The following ATP8A1 variants were observed in gnomAD, a reference collection of about 807,000 sequenced individuals.
ATP8A1 encodes the protein phospholipid-transporting ATPase IA.
A neutral mutation model predicts 177.7 loss-of-function variants in ATP8A1; 90 were observed. The observed-to-expected ratio is 0.51, with a 90% CI of 0.43 to 0.60. The LOEUF is 0.60. ATP8A1 is among the 20% of genes least tolerant of loss of function. The pLI is 0.00. For synonymous variants in ATP8A1, 493 were observed against 485.9 expected (o/e 1.01, Z -0.19); for missense variants, 1,072 against 1,392.8 (o/e 0.77, Z 3.67).
chr4:42,647,292 T>C (rs1020083948), intron 1 of ATP8A1, among the ~76,000 whole-genome samples: 1 of 152,210 alleles, frequency 6.6e-6, no homozygotes, highest in Non-Finnish European at 1.5e-5. Flanking sequence ...TGAAAAATTC[T>C]AGTAAATCCT....
At chr4:42,446,095 AAAAAGAG>A (rs1413828958) in intron 31 of ATP8A1, among the ~76,000 whole-genome samples, 3 of 148,220 alleles carry the variant, frequency 2.0e-5, no homozygotes, top group East Asian at 2.1e-4. Context: ...AAAAAAAAAA[AAAAAGAG>A]AAGAGATATA....
In ATP8A1 at chr4:42,524,307, C is replaced by T. The variant is rs574529272; in HGVS notation, c.1807+456G>A. Among the ~76,000 whole-genome samples, 11 of 152,192 alleles carry T rather than the reference C, an allele frequency of 7.2e-5. No individual in the cohort carries two copies. The East Asian group carries it at 2.1e-3, about 29-fold the overall frequency. ...TCTTGAGTTGTAATAAATTGAATAA[C>T]AATTTTAATAGTTACGTAAGTTTTT... is the stretch of plus-strand genomic sequence containing the variant. On this transcript the variant is annotated intron_variant, in intron 21 of 36. Transcript: ENST00000381668.
At chr4:42,480,274 G>C (rs1454944735) in intron 25 of ATP8A1, among the ~76,000 whole-genome samples, 1 of 152,090 alleles carries the variant, frequency 6.6e-6, no homozygotes, top group Non-Finnish European at 1.5e-5. Flanking sequence ...GAGATGGACA[G>C]GGCTGAGCAG....
At chr4:42,480,310 T>A (rs911877341) in intron 25 of ATP8A1, among the ~76,000 whole-genome samples, 1 of 152,176 alleles carries the variant, frequency 6.6e-6, no homozygotes, top group Non-Finnish European at 1.5e-5. Flanking sequence ...AAGCAAACTA[T>A]TGGCATTTTA....
At chr4:42,636,812 G>C (rs995959882) in intron 1 of ATP8A1, among the ~76,000 whole-genome samples, 1 of 152,138 alleles carries the variant, frequency 6.6e-6, no homozygotes, top group Non-Finnish European at 1.5e-5. Flanking sequence ...TGACTTAAAA[G>C]TCAGCACACA....
intron 19 of ATP8A1, among the ~76,000 whole-genome samples, chr4:42,545,243 T>C (rs1560441925): frequency 6.6e-6 from 1 of 151,806 alleles, no homozygotes; most frequent in African/African-American, 2.4e-5. Flanking sequence ...CCAGTCTCTA[T>C]CCCTGTACAT....
intron 5 of ATP8A1, among the ~76,000 whole-genome samples, chr4:42,613,387 C>CAA (rs10673078): frequency 0.96 from 146,134 of 152,194 alleles, 70,407 homozygotes; most frequent in East Asian, 1. Flanking sequence ...CCCATGGATA[C>CAA]AAATCCATGG....
chr4:42,524,967 G>T, intron 20 of ATP8A1, 120 bp from the exon 21 acceptor site: 1 of 548,070 alleles, frequency 1.8e-6, no homozygotes, highest in Non-Finnish European at 3.2e-6. Flanking sequence ...TTTGGCATTC[G>T]TTTTAAAGAA....
intron 33 of ATP8A1, among the ~76,000 whole-genome samples, chr4:42,433,632 CCAAA>C (rs113747755): frequency 0.025 from 3,810 of 151,736 alleles, 111 homozygotes; most frequent in African/African-American, 0.072. Flanking sequence ...TTGGGTTATC[CCAAA>C]CAAACAAACA....
At chr4:42,636,227 T>C (rs1321941213) in intron 1 of ATP8A1, among the ~76,000 whole-genome samples, 1 of 144,734 alleles carries the variant, frequency 6.9e-6, no homozygotes, top group Non-Finnish European at 1.5e-5. Flanking sequence ...AAGATGTTTG[T>C]ATTTACTTTG....
At chr4:42,571,458 T>A (rs1250454407) in intron 14 of ATP8A1, among the ~76,000 whole-genome samples, 1 of 146,958 alleles carries the variant, frequency 6.8e-6, no homozygotes, top group Non-Finnish European at 1.5e-5. Context: ...TTCTAAAAGG[T>A]CTAAATTTTT....
At chr4:42,471,806 G>A (rs1307001177) in intron 25 of ATP8A1, 3 of 507,880 alleles carry the variant, frequency 5.9e-6, no homozygotes, top group African/African-American at 3.9e-5. Context: ...GCAAGGAGAA[G>A]GCCATGTTCA....
At position 42,507,003 on chromosome 4, in the gene ATP8A1, C is replaced by T. The variant is rs185513079; in HGVS notation, c.2086+13G>A. 3.7e-6 allele frequency: 6 copies of T among 1,611,962 alleles called. No individual in the cohort carries two copies. Among genetic ancestry groups the T allele is most frequent in the East Asian group, 4.5e-5 (2 of 44,850 alleles). On this transcript the variant is annotated intron_variant, in intron 23 of 36. Coordinates refer to ENST00000381668, the MANE Select transcript of ATP8A1 (RefSeq NM_006095.2). ...AAAGCACCAACATGTAAAATGTGAA[C>T]TAGGTGAATTACCGATGTTAATGGC...
chr4:42,433,001 C>T (rs1577920380), intron 33 of ATP8A1, among the ~76,000 whole-genome samples: 1 of 152,170 alleles, frequency 6.6e-6, no homozygotes, highest in Non-Finnish European at 1.5e-5. Context: ...TCTATGGCTT[C>T]TGGTACTCTC....
At chr4:42,463,527 T>C (rs1719399276) in intron 27 of ATP8A1, among the ~76,000 whole-genome samples, 1 of 152,192 alleles carries the variant, frequency 6.6e-6, no homozygotes. Flanking sequence ...GGGTATGTCT[T>C]TATCCACAGT....
chr4:42,488,265 G>T (rs1722394262), intron 24 of ATP8A1, among the ~76,000 whole-genome samples: 1 of 152,168 alleles, frequency 6.6e-6, no homozygotes, highest in Non-Finnish European at 1.5e-5. Flanking sequence ...TGAGCAGGAG[G>T]CACTACTGTT....
rs1740440092 is a variant in ATP8A1 at position 42,645,509 on chromosome 4, T to C, written c.49+11316A>G. ...TACCTAGGAGATAAAATATTAATGC[T>C]TGGTCCCTATCCCTATAGAACAGAC... On this transcript the variant is annotated intron_variant, in intron 1 of 36. Coordinates refer to ENST00000381668, the MANE Select transcript of ATP8A1 (RefSeq NM_006095.2). Among the ~76,000 whole-genome samples, 3 of 152,204 alleles carry C rather than the reference T, an allele frequency of 2.0e-5. No homozygotes were observed. In the South Asian group the frequency reaches 6.2e-4, roughly 32 times the overall value.
At chr4:42,596,683 A>G (rs926732349) in intron 6 of ATP8A1, among the ~76,000 whole-genome samples, 2 of 150,862 alleles carry the variant, frequency 1.3e-5, no homozygotes, top group African/African-American at 4.9e-5. Context: ...AAAAAAAAAA[A>G]AGAAAAGAAA....
intron 31 of ATP8A1, among the ~76,000 whole-genome samples, chr4:42,445,917 T>C (rs1018954910): frequency 2.6e-5 from 4 of 151,452 alleles, no homozygotes; most frequent in Non-Finnish European, 4.4e-5. Context: ...TTGTCTCTAC[T>C]AAAAATACAA....
Sources: allele counts gnomAD v4.1 joint callset (sites outside exome capture counted in the v4.1 genomes callset), GRCh38; gene constraint gnomAD v4.1.1; transcripts MANE v1.5; gene names NCBI Gene and HGNC (gene_info 2026-07-23, HGNC 2026-07-21).